Variants in PAX7 observed in about 807,000 individuals in gnomAD.
The protein encoded by PAX7 is paired box protein Pax-7.
A neutral mutation model predicts 50.7 loss-of-function variants in PAX7; 18 were observed. The ratio of observed to expected loss-of-function variants is 0.36; its 90% CI spans 0.25 to 0.53. The LOEUF (loss-of-function observed/expected upper bound fraction) is 0.53, where lower values mean the gene tolerates loss of function less well. Ranked by LOEUF, PAX7 falls within the 20% of genes least tolerant of loss-of-function variation. The probability of loss-of-function intolerance (pLI) is 0.93; values close to 1 mark genes in which losing one functional copy is unlikely to be tolerated. For missense variants in PAX7, 644 were observed against 702.9 expected (o/e 0.92, Z 0.95); for synonymous variants, 310 against 290.4 (o/e 1.07, Z -0.69).
intron 7 of PAX7, among the ~76,000 whole-genome samples, chr1:18,710,260 G>A (rs1019195977): frequency 3.3e-5 from 5 of 152,078 alleles, no homozygotes; most frequent in Admixed American, 1.3e-4. Context: ...CAGGTCTGCC[G>A]GACCCAGGAA....
At position 18,634,668 on chromosome 1, in the gene PAX7, G is replaced by A. The variant is rs942692696; in HGVS notation, c.321+130G>A. The A allele has an allele frequency of 2.9e-6, 2 of 684,312 alleles. No individual in the cohort carries two copies. The highest frequency in any genetic ancestry group is 3.6e-5 in the African/African-American group (2 of 55,666). 42.4% of individuals were successfully genotyped at this position (684,312 alleles called of 1,614,324 possible). ...AGCTGGAGGGTGTCTTCTACTCCCA[G>A]ATGTCCTCCCATTGTTTTCCTATTA... On this transcript the variant is annotated intron_variant, in intron 2 of 8. Transcript: ENST00000420770. The surrounding 1 kb of genome is among the most constrained non-coding windows in gnomAD (Gnocchi z 4.0).
rs1452622556 is a variant in PAX7 at position 18,632,432 on chromosome 1, C to T, written c.85+744C>T. Reference sequence around the variant, plus strand: ...GTCCTTCCTAAACATCCAGCGCCCGCCCGGGGAGACCCGATAGGACGGGCG... The same window carrying T: ...GTCCTTCCTAAACATCCAGCGCCCGTCCGGGGAGACCCGATAGGACGGGCG... On this transcript the variant is annotated intron_variant, in intron 1 of 8. Coordinates refer to ENST00000420770, the MANE Select transcript of PAX7 (RefSeq NM_001135254.2). The surrounding 1 kb of genome is among the most constrained non-coding windows in gnomAD (Gnocchi z 6.3). Among the ~76,000 whole-genome samples the T allele has an allele frequency of 1.3e-5, 2 of 152,168 alleles. No individual in the cohort carries two copies. Among genetic ancestry groups the T allele is most frequent in the Non-Finnish European group, 2.9e-5 (2 of 68,032 alleles).
chr1:18,686,893 A>ATTTT (rs774061568), intron 4 of PAX7, among the ~76,000 whole-genome samples: 3 of 50,806 alleles, frequency 5.9e-5, no homozygotes, highest in Non-Finnish European at 3.9e-5. Context: ...TTTTATTATT[A>ATTTT]TTATTATTAT....
chr1:18,643,387 A>G (rs2088288236), intron 4 of PAX7, among the ~76,000 whole-genome samples: 1 of 152,244 alleles, frequency 6.6e-6, no homozygotes, highest in Non-Finnish European at 1.5e-5. Context: ...CAGCGGAGAC[A>G]GAGAGCCACA....
Position 18,735,803 on chromosome 1 carries a change from T to G in PAX7, c.1327T>G (p.Cys443Gly). Reference protein sequence around the residue: ...GDSLPTSQAYCPPTYSTTGYS... With the variant: ...GDSLPTSQAYGPPTYSTTGYS... ...CAGCCTGCCCACCTCCCAGGCCTACTGCCCACCCACCTACAGCACCACCGG... is the reference window on the plus strand; with the variant it reads ...CAGCCTGCCCACCTCCCAGGCCTACGGCCCACCCACCTACAGCACCACCGG... The change falls in exon 8 of 9, where the codon TGC (cysteine) becomes GGC (glycine). Residue 443 changes from cysteine to glycine, a missense_variant. Cys to Gly is a radical substitution (Grantham distance 159, BLOSUM62 -3). Transcript: ENST00000420770. The surrounding 1 kb of genome is among the most constrained non-coding windows in gnomAD (Gnocchi z 4.0). 2 of 1,614,130 alleles carry G rather than the reference T, an allele frequency of 1.2e-6. No homozygotes were observed. Among genetic ancestry groups the G allele is most frequent in the Non-Finnish European group, 1.7e-6 (2 of 1,180,016 alleles).
intron 4 of PAX7, among the ~76,000 whole-genome samples, chr1:18,670,552 T>A (rs992898796): frequency 3.9e-5 from 6 of 152,168 alleles, no homozygotes; most frequent in African/African-American, 1.4e-4. Context: ...TCCACTCTCT[T>A]GCTTTCCCTC....
chr1:18,637,251 T>C lies in PAX7; in HGVS notation c.586+880T>C, dbSNP rs1476423521. Among the ~76,000 whole-genome samples, 3 of 152,180 alleles carry C rather than the reference T, an allele frequency of 2.0e-5. No homozygotes were observed. In the East Asian group the frequency reaches 5.8e-4, roughly 29 times the overall value. ...TTCGAGAGAAGGAAGGGAAAGTTTT[T>C]CCTCATTACCCCCTCCCCTTCCTCA... is the stretch of plus-strand genomic sequence containing the variant. On this transcript the variant is annotated intron_variant, in intron 4 of 8. Coordinates refer to ENST00000420770, the MANE Select transcript of PAX7 (RefSeq NM_001135254.2).
At chr1:18,667,473 C>T (rs74881643) in intron 4 of PAX7, among the ~76,000 whole-genome samples, 6 of 151,490 alleles carry the variant, frequency 4.0e-5, no homozygotes, top group South Asian at 2.1e-4. Flanking sequence ...GCACACACCC[C>T]GGAGCAGCAG....
intron 8 of PAX7, 57 bp from the exon 9 acceptor site, chr1:18,744,757 A>G (rs1931354974): frequency 3.1e-6 from 3 of 965,098 alleles, no homozygotes; most frequent in South Asian, 1.4e-5. Flanking sequence ...GATAGAGTGA[A>G]TGGAAGAATA....
At chr1:18,662,931 A>G (rs991635629) in intron 4 of PAX7, among the ~76,000 whole-genome samples, 4 of 152,094 alleles carry the variant, frequency 2.6e-5, no homozygotes, top group African/African-American at 7.2e-5. Context: ...AAAAAACCTC[A>G]AACACTAAAA....
chr1:18,735,813 C>T lies in PAX7; in HGVS notation c.1337C>T (p.Thr446Ile). Residue 446 changes from threonine (T) to isoleucine (I), a missense_variant, in exon 8 of 9, where the codon ACC becomes ATC. Coordinates refer to ENST00000420770, the MANE Select transcript of PAX7 (RefSeq NM_001135254.2). The surrounding 1 kb of genome is among the most constrained non-coding windows in gnomAD (Gnocchi z 4.0). ...LPTSQAYCPP[T>I]YSTTGYSVDP... ...ACCTCCCAGGCCTACTGCCCACCCA[C>T]CTACAGCACCACCGGCTACAGCGTG... 1 of 1,614,146 alleles carries T rather than the reference C, an allele frequency of 6.2e-7. No individual in the cohort carries two copies. Among genetic ancestry groups the T allele is most frequent in the South Asian group, 1.1e-5 (1 of 91,074 alleles).
At chr1:18,708,677 G>A (rs1445433276) in intron 7 of PAX7, among the ~76,000 whole-genome samples, 3 of 152,044 alleles carry the variant, frequency 2.0e-5, no homozygotes, top group African/African-American at 7.2e-5. Context: ...CCCTGTCTAG[G>A]AATCCCAAGC....
chr1:18,727,201 A>G (rs2089582609), intron 7 of PAX7, among the ~76,000 whole-genome samples: 1 of 152,166 alleles, frequency 6.6e-6, no homozygotes, highest in Non-Finnish European at 1.5e-5. Flanking sequence ...ACACAGGCAC[A>G]TACAAAGACA....
rs35982827 is a variant in PAX7 at position 18,726,145 on chromosome 1, A to AGTGTGT, written c.1156-9458_1156-9453dup. ...ATAAAACAGACATTGGAAGAGTGTGAGTGTGTGTGTGTGTGTGTGTGTGTG... is the reference window on the plus strand; with the variant it reads ...ATAAAACAGACATTGGAAGAGTGTGAGTGTGTGTGTGTGTGTGTGTGTGTGTGTGTG... On this transcript the variant is annotated intron_variant, in intron 7 of 8. Coordinates refer to ENST00000420770, the MANE Select transcript of PAX7 (RefSeq NM_001135254.2). This position sits in a 1 kb window ranked among gnomAD's most constrained non-coding sequence, Gnocchi z 4.8. 1.1e-3 allele frequency among the ~76,000 whole-genome samples: 156 copies of AGTGTGT among 137,586 alleles called. No individual in the cohort carries two copies. The highest frequency in any genetic ancestry group is 3.2e-3 in the African/African-American group (116 of 36,694). 90.3% of individuals were successfully genotyped at this position (137,586 alleles called of 152,430 possible). A position where few individuals can be genotyped will look rare whatever the true frequency, so the allele number is the denominator to read the frequency against.
Position 18,714,127 on chromosome 1 carries a change from G to A in PAX7, c.1155+10831G>A, listed in dbSNP as rs145840206. On this transcript the variant is annotated intron_variant, in intron 7 of 8. Coordinates refer to ENST00000420770, the MANE Select transcript of PAX7 (RefSeq NM_001135254.2). ...TCGGCTGAGGCAGGAGAATTGCTTGGACCCCGGAGGCGGGGGCTGCAGTGA... is the reference window on the plus strand; with the variant it reads ...TCGGCTGAGGCAGGAGAATTGCTTGAACCCCGGAGGCGGGGGCTGCAGTGA... Among the ~76,000 whole-genome samples, 931 of 152,158 alleles carry A rather than the reference G, an allele frequency of 6.1e-3. 10 individuals carry two copies. Among genetic ancestry groups the A allele is most frequent in the African/African-American group, 0.021 (875 of 41,520 alleles).
intron 1 of PAX7, among the ~76,000 whole-genome samples, chr1:18,633,621 G>A (rs1211510534): frequency 6.6e-6 from 1 of 152,194 alleles, no homozygotes; most frequent in Non-Finnish European, 1.5e-5. Flanking sequence ...GTGGTTAGAA[G>A]CAAGGAGAGT....
chr1:18,634,212 A>G lies in PAX7; in HGVS notation c.86-91A>G. 9.3e-7 allele frequency: 1 copy of G among 1,070,438 alleles called. No homozygotes were observed. The highest frequency in any genetic ancestry group is 1.5e-5 in the South Asian group (1 of 65,080). The allele number at this position is 1,070,438 out of a possible 1,614,324, so 66.3% of individuals were successfully genotyped here. On this transcript the variant is annotated intron_variant, in intron 1 of 8. Coordinates refer to ENST00000420770, the MANE Select transcript of PAX7 (RefSeq NM_001135254.2). This position sits in a 1 kb window ranked among gnomAD's most constrained non-coding sequence, Gnocchi z 4.0. ...TGTCTGAGGTCTTGGGGCTCAAACA[A>G]ACAAAACTGGAGTCAGGGAGTGTAC...
At chr1:18,699,661 C>A (rs547504044) in intron 5 of PAX7, among the ~76,000 whole-genome samples, 15 of 151,730 alleles carry the variant, frequency 9.9e-5, no homozygotes, top group Admixed American at 9.8e-4. Context: ...CCCGGGTTCA[C>A]GCCATTCTCC....
rs2089199641 is a variant in PAX7, at chr1:18,700,144, T to A, written c.787-509T>A. Among the ~76,000 whole-genome samples, 1 of 151,648 alleles carries A rather than the reference T, an allele frequency of 6.6e-6. No individual in the cohort carries two copies. The highest frequency in any genetic ancestry group is 2.1e-4 in the South Asian group (1 of 4,792). The stretch of plus-strand genomic sequence containing the variant: ...TCCTATTTCAAGGAGGCCCAGGGTG[T>A]GTAAGCAAAGTAGGGCCTCAGTCTC... On this transcript the variant is annotated intron_variant, in intron 5 of 8. Transcript: ENST00000420770. This position sits in a 1 kb window ranked among gnomAD's most constrained non-coding sequence, Gnocchi z 4.8.
Sources: allele counts gnomAD v4.1 joint callset (sites outside exome capture counted in the v4.1 genomes callset), GRCh38; gene constraint gnomAD v4.1.1; non-coding constraint Gnocchi (gnomAD v3.1); transcripts MANE v1.5; gene names NCBI Gene and HGNC (gene_info 2026-07-23, HGNC 2026-07-21).